Variants in WDR59 observed in about 807,000 individuals in gnomAD.
WDR59 encodes WD repeat domain 59, also known as GATOR2 complex protein WDR59.
A neutral mutation model predicts 131.2 loss-of-function variants in WDR59; 100 were observed. That is an observed-to-expected ratio of 0.76 (90% confidence interval 0.65 to 0.90). The LOEUF (loss-of-function observed/expected upper bound fraction) is 0.90, where lower values mean the gene tolerates loss of function less well. Ranked by LOEUF, WDR59 falls within the 40% of genes least tolerant of loss-of-function variation. The pLI, the probability that WDR59 is intolerant of heterozygous loss-of-function variation, is 0.00. For synonymous variants in WDR59, 601 were observed against 466.2 expected (o/e 1.29, Z -3.72); for missense variants, 1,203 against 1,262.2 (o/e 0.95, Z 0.71).
intron 18 of WDR59, among the ~76,000 whole-genome samples, chr16:74,897,409 C>T (rs1309119470): frequency 6.6e-5 from 10 of 152,214 alleles, no homozygotes; most frequent in Admixed American, 6.5e-4. Context: ...CCATTTGCAG[C>T]TTTGGGTTAC....
At chr16:74,937,594 C>T (rs2031904457) in intron 8 of WDR59, among the ~76,000 whole-genome samples, 1 of 152,114 alleles carries the variant, frequency 6.6e-6, no homozygotes. Context: ...CTTTGCCTCC[C>T]AGGTTCAAGC....
At chr16:74,882,425 T>C (rs192314900) in intron 25 of WDR59, among the ~76,000 whole-genome samples, 30 of 152,224 alleles carry the variant, frequency 2.0e-4, no homozygotes, top group Admixed American at 1.8e-3. Flanking sequence ...TACGTATTAT[T>C]CTAGTTTGTT....
At chr16:74,946,358 C>G (rs946165130) in intron 6 of WDR59, among the ~76,000 whole-genome samples, 2 of 152,128 alleles carry the variant, frequency 1.3e-5, no homozygotes, top group Non-Finnish European at 2.9e-5. Flanking sequence ...TATTAAGTAT[C>G]TCCTTGGATC....
chr16:74,954,405 T>C (rs2033176417), intron 3 of WDR59, among the ~76,000 whole-genome samples: 1 of 152,132 alleles, frequency 6.6e-6, no homozygotes, highest in South Asian at 2.1e-4. Context: ...TGAAACTCTG[T>C]CTCAAAACAA....
intron 10 of WDR59, among the ~76,000 whole-genome samples, chr16:74,920,968 G>A (rs1403053724): frequency 1.3e-5 from 2 of 151,924 alleles, no homozygotes; most frequent in Non-Finnish European, 2.9e-5. Flanking sequence ...TCTTGGCATC[G>A]TTTTCTTTCT....
At chr16:74,919,030 C>G (rs1169838490) in intron 10 of WDR59, among the ~76,000 whole-genome samples, 1 of 152,198 alleles carries the variant, frequency 6.6e-6, no homozygotes, top group East Asian at 1.9e-4. Context: ...TCTGGCTTCT[C>G]TTCCTGCCCC....
chr16:74,901,570 G>A (rs182545773), intron 18 of WDR59, among the ~76,000 whole-genome samples: 179 of 151,786 alleles, frequency 1.2e-3, no homozygotes, highest in Admixed American at 2.7e-3. Flanking sequence ...TCGAGCCCAG[G>A]AGTCTGAGGT....
chr16:74,926,271 T>A (rs944950927), intron 8 of WDR59, among the ~76,000 whole-genome samples: 2 of 152,116 alleles, frequency 1.3e-5, no homozygotes, highest in African/African-American at 4.8e-5. Context: ...ATGGCCAGGC[T>A]GGTCTCGAAC....
At chr16:74,967,641 C>T (rs1323567695) in intron 1 of WDR59, among the ~76,000 whole-genome samples, 1 of 152,068 alleles carries the variant, frequency 6.6e-6, no homozygotes, top group Non-Finnish European at 1.5e-5. Flanking sequence ...GATGGATCAC[C>T]TGAGGTCAGA....
chr16:74,974,291 G>T (rs1029160808), intron 1 of WDR59, among the ~76,000 whole-genome samples: 1 of 152,146 alleles, frequency 6.6e-6, no homozygotes, highest in African/African-American at 2.4e-5. Flanking sequence ...TCTTTCTGGG[G>T]CTCACACTCC....
intron 5 of WDR59, 95 bp downstream of exon 5, chr16:74,949,623 G>A (rs549675778): frequency 5.3e-5 from 55 of 1,046,312 alleles, no homozygotes; most frequent in African/African-American, 6.3e-5. Flanking sequence ...CTCGAGGTCT[G>A]TATCGAGGGG....
chr16:74,929,371 G>A (rs969435317), intron 8 of WDR59, among the ~76,000 whole-genome samples: 12 of 152,150 alleles, frequency 7.9e-5, no homozygotes, highest in Middle Eastern at 3.4e-3. Flanking sequence ...CACTGCGCCC[G>A]GCTGAACAGA....
intron 17 of WDR59, among the ~76,000 whole-genome samples, chr16:74,904,966 G>C (rs1183687942): frequency 4.6e-5 from 7 of 152,166 alleles, no homozygotes; most frequent in Non-Finnish European, 1.0e-4. Context: ...AACGAACTTT[G>C]ACCCCTTAAC....
intron 2 of WDR59, among the ~76,000 whole-genome samples, chr16:74,958,719 G>T (rs919502844): frequency 8.6e-5 from 13 of 151,862 alleles, no homozygotes; most frequent in Admixed American, 2.0e-4. Context: ...AGGGCAAGGG[G>T]TAGGGCTAGA....
At chr16:74,941,002 C>A (rs2145091887) in intron 7 of WDR59, among the ~76,000 whole-genome samples, 1 of 152,050 alleles carries the variant, frequency 6.6e-6, no homozygotes, top group Admixed American at 6.6e-5. Flanking sequence ...CCGCGCCCAG[C>A]CGAAAATGCT....
chr16:74,948,432 G>A, intron 6 of WDR59, 87 bp downstream of exon 6: 1 of 1,238,346 alleles, frequency 8.1e-7, no homozygotes, highest in Non-Finnish European at 1.2e-6. Flanking sequence ...AGATGGAAAG[G>A]AATAGGAAGG....
chr16:74,880,193 A>G (rs1567681928), intron 25 of WDR59, among the ~76,000 whole-genome samples: 1 of 152,178 alleles, frequency 6.6e-6, no homozygotes, highest in African/African-American at 2.4e-5. Flanking sequence ...CACGCCTGTA[A>G]TCCCAGCACT....
intron 17 of WDR59, among the ~76,000 whole-genome samples, chr16:74,908,292 C>T (rs746969013): frequency 6.6e-5 from 10 of 152,084 alleles, no homozygotes; most frequent in East Asian, 1.9e-4. Flanking sequence ...GTGGTGCACA[C>T]GTGTAGTCCC....
chr16:74,895,195 G>A (rs535715519), intron 18 of WDR59, among the ~76,000 whole-genome samples: 19 of 152,176 alleles, frequency 1.2e-4, no homozygotes, highest in Non-Finnish European at 2.2e-4. Flanking sequence ...AAGTATCTGT[G>A]AACTGTTTAT....
Sources: gnomAD v4.1 joint callset for allele counts (sites outside exome capture counted in the v4.1 genomes callset) on GRCh38, gnomAD v4.1.1 for gene constraint, MANE v1.5 for transcripts, NCBI Gene and HGNC (gene_info 2026-07-23, HGNC 2026-07-21) for gene names.